Variants in NEK11 observed in about 807,000 individuals in gnomAD.
NEK11 encodes the protein serine/threonine-protein kinase Nek11.
In NEK11, 72 loss-of-function variants were observed where a neutral mutation model predicts 80.7. That is an observed-to-expected ratio of 0.89 (90% CI 0.74 to 1.08). The LOEUF (loss-of-function observed/expected upper bound fraction) is 1.08, where lower values mean the gene tolerates loss of function less well. Among genes scored for constraint, NEK11 ranks in the 50% least tolerant of loss-of-function variants. NEK11 has a pLI of 0.00. For missense variants in NEK11, 764 were observed against 763.6 expected, an observed-to-expected ratio of 1.00 and a Z score of -0.01; for synonymous variants, 251 against 260.7, an observed-to-expected ratio of 0.96 and a Z score of 0.36.
chr3:131,337,778 T>C (rs1399599932), intron 17 of NEK11, among the ~76,000 whole-genome samples: 3 of 152,096 alleles, frequency 2.0e-5, no homozygotes, highest in Non-Finnish European at 2.9e-5. Flanking sequence ...AAAGCCTGAA[T>C]GAGAATCAAT....
At chr3:131,175,405 C>A (rs2092947717) in intron 14 of NEK11, among the ~76,000 whole-genome samples, 1 of 152,164 alleles carries the variant, frequency 6.6e-6, no homozygotes, top group Non-Finnish European at 1.5e-5. Context: ...GGAATATATA[C>A]TCTTTGACAC....
At chr3:131,240,181 C>G (rs2095499636) in intron 15 of NEK11, among the ~76,000 whole-genome samples, 1 of 152,110 alleles carries the variant, frequency 6.6e-6, no homozygotes, top group African/African-American at 2.4e-5. Context: ...TTAAGCCTTG[C>G]CTTCCTCTGG....
At chr3:131,149,822 ATTGT>A (rs2089263028) in intron 7 of NEK11, among the ~76,000 whole-genome samples, 1 of 151,416 alleles carries the variant, frequency 6.6e-6, no homozygotes, top group Non-Finnish European at 1.5e-5. Context: ...TTTTGTTTCT[ATTGT>A]TTATTTCTAT....
intron 3 of NEK11, among the ~76,000 whole-genome samples, chr3:131,037,288 A>T (rs1028419147): frequency 7.5e-5 from 11 of 146,162 alleles, no homozygotes; most frequent in Middle Eastern, 3.5e-3. Flanking sequence ...AACTTCATCC[A>T]TTTTTTTTTT....
intron 4 of NEK11, among the ~76,000 whole-genome samples, chr3:131,106,845 T>C (rs184992761): frequency 1.5e-4 from 23 of 152,296 alleles, no homozygotes; most frequent in African/African-American, 5.5e-4. Context: ...ACAGATCTTG[T>C]AGTATTCATT....
chr3:131,337,794 C>G (rs1282363932), intron 17 of NEK11, among the ~76,000 whole-genome samples: 2 of 151,788 alleles, frequency 1.3e-5, no homozygotes, highest in Non-Finnish European at 2.9e-5. Context: ...TCAATCTGAA[C>G]CCCCCCTCCA....
chr3:131,341,505 G>C (rs538332713), intron 17 of NEK11, among the ~76,000 whole-genome samples: 6 of 152,238 alleles, frequency 3.9e-5, no homozygotes, highest in African/African-American at 1.4e-4. Context: ...TGCTCTATGT[G>C]TATCTATTAA....
chr3:131,026,880 G>A lies in NEK11; in HGVS notation c.-296G>A. On this transcript the variant is annotated 5_prime_UTR_variant, in exon 1 of 18. Transcript: ENST00000383366. ...GCCCCGCGCCGTCTCCCTGGCCACG[G>A]TTCCAAACAGCCGTGGCCCGCGGTG... 1 of 152,370 alleles carries A rather than the reference G, an allele frequency of 6.6e-6. No homozygotes were observed. 9.4% of individuals were successfully genotyped at this position (152,370 alleles called of 1,614,324 possible). A position where few individuals can be genotyped will look rare whatever the true frequency, so the allele number is the denominator to read the frequency against.
intron 4 of NEK11, among the ~76,000 whole-genome samples, chr3:131,083,018 C>T (rs2075496971): frequency 6.6e-6 from 1 of 152,160 alleles, no homozygotes; most frequent in South Asian, 2.1e-4. Context: ...AAGTGTGACC[C>T]CAGACCAGTA....
intron 5 of NEK11, among the ~76,000 whole-genome samples, chr3:131,115,001 C>A (rs755144646): frequency 2.3e-4 from 35 of 152,136 alleles, no homozygotes; most frequent in Non-Finnish European, 3.5e-4. Flanking sequence ...GTTGACTGGG[C>A]AGTAGATGCC....
intron 14 of NEK11, among the ~76,000 whole-genome samples, chr3:131,211,394 C>G (rs547957860): frequency 1.7e-4 from 26 of 152,256 alleles, no homozygotes; most frequent in African/African-American, 6.3e-4. Flanking sequence ...TCTGGCTGCC[C>G]TTAACATTTT....
At chr3:131,298,074 G>A (rs2096618339) in intron 17 of NEK11, among the ~76,000 whole-genome samples, 1 of 152,176 alleles carries the variant, frequency 6.6e-6, no homozygotes, top group South Asian at 2.1e-4. Flanking sequence ...TAGCCTTGTA[G>A]TATAGTTTGA....
At chr3:131,231,185 C>A (rs2095322205) in intron 15 of NEK11, among the ~76,000 whole-genome samples, 1 of 148,280 alleles carries the variant, frequency 6.7e-6, no homozygotes, top group African/African-American at 2.6e-5. Flanking sequence ...GGGTAGTTAT[C>A]TTATTCCTAT....
Position 131,070,586 on chromosome 3 carries a change from C to T in NEK11, c.171-9837C>T, listed in dbSNP as rs573033975. ...AGACATAGGGTCATTAGTGCCTCAT[C>T]GAAAGCAAAACCATTATTCCAATCA... On this transcript the variant is annotated intron_variant, in intron 3 of 17. Transcript: ENST00000383366. 1.7e-4 allele frequency among the ~76,000 whole-genome samples: 26 copies of T among 152,250 alleles called. 1 individual carries two copies. The highest frequency in any genetic ancestry group is 5.1e-4 in the African/African-American group (21 of 41,558).
chr3:131,267,071 C>T (rs1213179193), intron 16 of NEK11, among the ~76,000 whole-genome samples: 1 of 152,086 alleles, frequency 6.6e-6, no homozygotes, highest in East Asian at 1.9e-4. Flanking sequence ...TTATTTTGAG[C>T]CTATGTGTGT....
intron 7 of NEK11, among the ~76,000 whole-genome samples, chr3:131,151,428 T>G (rs1330095888): frequency 6.6e-6 from 1 of 152,082 alleles, no homozygotes; most frequent in East Asian, 1.9e-4. Context: ...ATGCACAGTT[T>G]CATGAGTACC....
chr3:131,314,122 A>G (rs1031889003), intron 17 of NEK11, among the ~76,000 whole-genome samples: 3 of 133,368 alleles, frequency 2.2e-5, no homozygotes, highest in African/African-American at 3.2e-5. Context: ...TTATCCATGG[A>G]GAAAAAGAGT....
At chr3:131,234,819 A>G (rs2095402629) in intron 15 of NEK11, among the ~76,000 whole-genome samples, 1 of 151,566 alleles carries the variant, frequency 6.6e-6, no homozygotes, top group South Asian at 2.1e-4. Flanking sequence ...AATTTGATAT[A>G]CTATTCTTTT....
intron 15 of NEK11, among the ~76,000 whole-genome samples, chr3:131,231,564 A>G (rs1444431656): frequency 1.3e-5 from 2 of 151,578 alleles, no homozygotes; most frequent in Non-Finnish European, 2.9e-5. Flanking sequence ...AGAGTAGCAA[A>G]AACAATTACA....
Sources: allele counts gnomAD v4.1 joint callset (sites outside exome capture counted in the v4.1 genomes callset), GRCh38; gene constraint gnomAD v4.1.1; transcripts MANE v1.5; gene names NCBI Gene and HGNC (gene_info 2026-07-23, HGNC 2026-07-21).